The following LMO7 variants were observed in gnomAD, a reference collection of about 807,000 sequenced individuals.
LMO7 encodes LIM domain only protein 7.
In LMO7, 120 loss-of-function variants were observed where a neutral mutation model predicts 206.5. The ratio of observed to expected loss-of-function variants is 0.58; its 90% CI spans 0.50 to 0.68. The LOEUF is 0.68. Ranked by LOEUF, LMO7 falls within the 30% of genes least tolerant of loss-of-function variation. The pLI, the probability that LMO7 is intolerant of heterozygous loss-of-function variation, is 0.00. For missense variants in LMO7, 1,959 were observed against 1,957.9 expected, an observed-to-expected ratio of 1.00 and a Z score of -0.01; for synonymous variants, 706 against 681.5, an observed-to-expected ratio of 1.04 and a Z score of -0.56.
chr13:75,745,311 G>C (rs2046746019), intron 3 of LMO7, among the ~76,000 whole-genome samples: 1 of 152,182 alleles, frequency 6.6e-6, no homozygotes, highest in Non-Finnish European at 1.5e-5. Flanking sequence ...AGAACAATCT[G>C]TTGTTAGGTC....
chr13:75,782,052 A>G (rs1008053421), intron 4 of LMO7, among the ~76,000 whole-genome samples: 21 of 152,276 alleles, frequency 1.4e-4, no homozygotes, highest in African/African-American at 4.3e-4. Context: ...AGTAGGTTGC[A>G]AAAATTTTCT....
At chr13:75,641,347 C>T (rs1232785149) in intron 1 of LMO7, among the ~76,000 whole-genome samples, 2 of 152,214 alleles carry the variant, frequency 1.3e-5, no homozygotes, top group Non-Finnish European at 2.9e-5. Flanking sequence ...CCAGAAGTTG[C>T]TCAGAGTAAT....
At chr13:75,733,677 G>C (rs1055538960) in intron 3 of LMO7, among the ~76,000 whole-genome samples, 1 of 152,160 alleles carries the variant, frequency 6.6e-6, no homozygotes, top group African/African-American at 2.4e-5. Flanking sequence ...AGATGAACAC[G>C]GTACTGCAGA....
At chr13:75,775,231 T>A (rs753054890) in intron 4 of LMO7, among the ~76,000 whole-genome samples, 1 of 152,104 alleles carries the variant, frequency 6.6e-6, no homozygotes, top group South Asian at 2.1e-4. Flanking sequence ...ATTCAATAAA[T>A]GTTGCTGGGA....
chr13:75,841,053 A>AT (rs1159920479), intron 22 of LMO7, 56 bp from the exon 23 acceptor site: 1 of 1,074,262 alleles, frequency 9.3e-7, no homozygotes, highest in African/African-American at 1.6e-5. Flanking sequence ...AATAAAGAAG[A>AT]TTCCTAATGT....
chr13:75,676,476 T>G (rs1481570735), intron 1 of LMO7, among the ~76,000 whole-genome samples: 1 of 152,226 alleles, frequency 6.6e-6, no homozygotes, highest in Non-Finnish European at 1.5e-5. Flanking sequence ...ATGAACCTTC[T>G]AAGCAATGTG....
chr13:75,744,576 G>A (rs1357689736), intron 3 of LMO7, among the ~76,000 whole-genome samples: 2 of 152,174 alleles, frequency 1.3e-5, no homozygotes, highest in Admixed American at 6.5e-5. Flanking sequence ...CTTTTGTTAC[G>A]TAGAAATTGA....
At chr13:75,777,715 G>A (rs1426057762) in intron 4 of LMO7, among the ~76,000 whole-genome samples, 4 of 142,050 alleles carry the variant, frequency 2.8e-5, no homozygotes, top group Non-Finnish European at 4.5e-5. Flanking sequence ...GGGCGATCCC[G>A]GCTCACTGCA....
intron 4 of LMO7, among the ~76,000 whole-genome samples, chr13:75,778,043 A>C (rs76460709): frequency 0.021 from 3,249 of 152,308 alleles, 86 homozygotes; most frequent in African/African-American, 0.065. Flanking sequence ...TTCAGAGACT[A>C]CGACAAGAAT....
At chr13:75,752,750 G>A (rs1478424255) in intron 3 of LMO7, among the ~76,000 whole-genome samples, 3 of 152,168 alleles carry the variant, frequency 2.0e-5, no homozygotes, top group Non-Finnish European at 2.9e-5. Context: ...TTGTATTAGT[G>A]CAAAAGACAT....
intron 1 of LMO7, among the ~76,000 whole-genome samples, chr13:75,649,389 C>A (rs1221923429): frequency 6.6e-6 from 1 of 152,046 alleles, no homozygotes; most frequent in African/African-American, 2.4e-5. Flanking sequence ...TGTTAGAGAT[C>A]TTAAGGGAAG....
chr13:75,813,265 T>G (rs1277796194), intron 11 of LMO7, among the ~76,000 whole-genome samples: 1 of 152,214 alleles, frequency 6.6e-6, no homozygotes, highest in African/African-American at 2.4e-5. Flanking sequence ...ACCTCTCTGA[T>G]TTGAAGCAGC....
chr13:75,805,698 GAAC>G lies in LMO7; in HGVS notation c.1135_1137del (p.Asn379del). The G allele has an allele frequency of 6.2e-7, 1 of 1,613,994 alleles. No individual in the cohort carries two copies. Among genetic ancestry groups the G allele is most frequent in the Non-Finnish European group, 8.5e-7 (1 of 1,179,872 alleles). ...CCAAATGTTGGACCCCAGAAGATGT[GAAC>G]TGGAAAAGAATAAAAAGGGAAACTT... On this transcript the variant is annotated inframe_deletion, in exon 9 of 31. Coordinates refer to ENST00000377534, the MANE Select transcript of LMO7 (RefSeq NM_001306080.2).
At chr13:75,765,574 T>G (rs1250084064) in intron 4 of LMO7, among the ~76,000 whole-genome samples, 2 of 152,110 alleles carry the variant, frequency 1.3e-5, no homozygotes, top group African/African-American at 4.8e-5. Flanking sequence ...TGTGAAGTGC[T>G]TACTGGAAGG....
chr13:75,687,358 T>TGGCC (rs1255956131), intron 1 of LMO7, among the ~76,000 whole-genome samples: 6 of 152,196 alleles, frequency 3.9e-5, no homozygotes, highest in Admixed American at 3.9e-4. Context: ...AAGTACAATG[T>TGGCC]GGCCACCAGA....
chr13:75,808,935 C>T (rs779710018), intron 10 of LMO7, among the ~76,000 whole-genome samples: 1 of 152,108 alleles, frequency 6.6e-6, no homozygotes, highest in Admixed American at 6.5e-5. Context: ...TTTGTTAGCT[C>T]AGAGTAAATT....
chr13:75,656,112 T>C (rs2038043839), intron 1 of LMO7, among the ~76,000 whole-genome samples: 1 of 152,244 alleles, frequency 6.6e-6, no homozygotes, highest in African/African-American at 2.4e-5. Flanking sequence ...GATCCAGGTC[T>C]ATCTGTGGAT....
intron 7 of LMO7, 197 bp from the exon 8 acceptor site, chr13:75,804,092 A>T (rs1035338007): frequency 1.8e-6 from 1 of 558,726 alleles, no homozygotes; most frequent in Non-Finnish European, 3.2e-6. Context: ...AATGTACTGC[A>T]TGTGCCTCCA....
At chr13:75,678,552 G>A (rs950746941) in intron 1 of LMO7, among the ~76,000 whole-genome samples, 11 of 152,182 alleles carry the variant, frequency 7.2e-5, no homozygotes, top group African/African-American at 2.7e-4. Context: ...TGGCCCTTGA[G>A]AGATGGGGAC....
Sources: gnomAD v4.1 joint callset for allele counts (sites outside exome capture counted in the v4.1 genomes callset) on GRCh38, gnomAD v4.1.1 for gene constraint, MANE v1.5 for transcripts, NCBI Gene and HGNC (gene_info 2026-07-23, HGNC 2026-07-21) for gene names.